Variants in TSPAN18 observed in about 807,000 individuals in gnomAD.
TSPAN18 encodes tetraspanin-18.
In TSPAN18, 14 loss-of-function variants were observed where a neutral mutation model predicts 27.3. The observed-to-expected ratio is 0.51, with a 90% CI of 0.34 to 0.80. TSPAN18 has a LOEUF of 0.80. Ranked by LOEUF, TSPAN18 falls within the 30% of genes least tolerant of loss-of-function variation. The probability of loss-of-function intolerance (pLI) is 0.01; values close to 1 mark genes in which losing one functional copy is unlikely to be tolerated. For synonymous variants in TSPAN18, 143 were observed against 136.5 expected, an observed-to-expected ratio of 1.05 and a Z score of -0.33; for missense variants, 268 against 323.9, an observed-to-expected ratio of 0.83 and a Z score of 1.32.
intron 2 of TSPAN18, among the ~76,000 whole-genome samples, chr11:44,771,840 G>A (rs1855696453): frequency 6.6e-6 from 1 of 152,194 alleles, no homozygotes; most frequent in Admixed American, 6.5e-5. Flanking sequence ...AATACATTTT[G>A]ATATCAAAGA....
intron 1 of TSPAN18, among the ~76,000 whole-genome samples, chr11:44,731,077 A>G (rs1254708063): frequency 2.0e-5 from 3 of 152,210 alleles, no homozygotes; most frequent in Non-Finnish European, 4.4e-5. Flanking sequence ...TAGTGAATTC[A>G]ACAACTTGGA....
At chr11:44,744,475 G>C (rs1855024283) in intron 1 of TSPAN18, among the ~76,000 whole-genome samples, 1 of 152,216 alleles carries the variant, frequency 6.6e-6, no homozygotes, top group Admixed American at 6.5e-5. Flanking sequence ...TGGGGAGAGA[G>C]AGCTCTGGCT....
At chr11:44,811,813 T>C (rs1399851642) in intron 2 of TSPAN18, among the ~76,000 whole-genome samples, 1 of 152,162 alleles carries the variant, frequency 6.6e-6, no homozygotes, top group Non-Finnish European at 1.5e-5. Context: ...AAGTCAGGGC[T>C]CTGCAAATAT....
chr11:44,924,722 G>C (rs1295790226), intron 8 of TSPAN18, among the ~76,000 whole-genome samples: 1 of 149,274 alleles, frequency 6.7e-6, no homozygotes, highest in Admixed American at 6.7e-5. Flanking sequence ...CTGCATTTTA[G>C]GGTTCTAATG....
intron 2 of TSPAN18, among the ~76,000 whole-genome samples, chr11:44,824,732 G>A (rs1176013267): frequency 6.6e-6 from 1 of 152,214 alleles, no homozygotes; most frequent in African/African-American, 2.4e-5. Flanking sequence ...CTGGCTCACA[G>A]GGCCAGTGCT....
At chr11:44,761,253 C>T (rs370398133) in intron 1 of TSPAN18, among the ~76,000 whole-genome samples, 11 of 152,140 alleles carry the variant, frequency 7.2e-5, no homozygotes, top group East Asian at 1.9e-4. Context: ...TGACCCCTGT[C>T]GCCTGCCCAC....
At chr11:44,807,315 G>T (rs1277529712) in intron 2 of TSPAN18, among the ~76,000 whole-genome samples, 2 of 150,054 alleles carry the variant, frequency 1.3e-5, no homozygotes, top group Admixed American at 1.3e-4. Flanking sequence ...GATCACTTGA[G>T]GTCAGGAGTT....
intron 8 of TSPAN18, among the ~76,000 whole-genome samples, chr11:44,926,004 T>C (rs1027945929): frequency 6.6e-6 from 1 of 152,210 alleles, no homozygotes; most frequent in East Asian, 1.9e-4. Flanking sequence ...TCTCAGTTTA[T>C]GTATCTCTAG....
chr11:44,843,027 G>A (rs541120211), intron 2 of TSPAN18, among the ~76,000 whole-genome samples: 225 of 152,032 alleles, frequency 1.5e-3, no homozygotes, highest in Non-Finnish European at 2.8e-3. Flanking sequence ...ATCATACAGT[G>A]TGCATTCCTC....
chr11:44,727,011 C>T lies in TSPAN18; in HGVS notation c.-516C>T, dbSNP rs1334412240. 3 of 147,046 alleles carry T rather than the reference C, an allele frequency of 2.0e-5. No homozygotes were observed. Among genetic ancestry groups the T allele is most frequent in the African/African-American group, 4.9e-5 (2 of 40,584 alleles). The allele number at this position is 147,046 out of a possible 1,614,324, so 9.1% of individuals were successfully genotyped here. A position where few individuals can be genotyped will look rare whatever the true frequency, so the allele number is the denominator to read the frequency against. The stretch of plus-strand genomic sequence containing the variant: ...CCAGGCTGCGGGGCGGACGTAGCGC[C>T]GAGCGATCCACCGCGGAGCCGCGCG... On this transcript the variant is annotated 5_prime_UTR_variant, in exon 1 of 10. Coordinates refer to ENST00000520358, the MANE Select transcript of TSPAN18 (RefSeq NM_130783.5).
At chr11:44,798,978 C>T (rs1856413073) in intron 2 of TSPAN18, among the ~76,000 whole-genome samples, 1 of 151,018 alleles carries the variant, frequency 6.6e-6, no homozygotes, top group Non-Finnish European at 1.5e-5. Context: ...GACTTATCCC[C>T]ACCCCCACCC....
intron 1 of TSPAN18, among the ~76,000 whole-genome samples, chr11:44,752,566 TTGTGTG>T (rs10539343): frequency 1.3e-5 from 2 of 151,612 alleles, no homozygotes; most frequent in Non-Finnish European, 2.9e-5. Flanking sequence ...CTTTGACAGT[TTGTGTG>T]TGTGTGTGTG....
intron 1 of TSPAN18, 84 bp downstream of exon 1, chr11:44,727,371 G>A (rs1371489063): frequency 6.6e-6 from 1 of 152,668 alleles, no homozygotes; most frequent in African/African-American, 2.4e-5. Flanking sequence ...CGCCGCCCCG[G>A]GGGTGCTGCT....
chr11:44,808,708 A>G (rs559303042), intron 2 of TSPAN18, among the ~76,000 whole-genome samples: 1 of 152,180 alleles, frequency 6.6e-6, no homozygotes, highest in Non-Finnish European at 1.5e-5. Context: ...GATATAATTT[A>G]ACGTTTCTTG....
At chr11:44,894,471 C>CT (rs1554999974) in intron 3 of TSPAN18, among the ~76,000 whole-genome samples, 2 of 151,894 alleles carry the variant, frequency 1.3e-5, no homozygotes, top group African/African-American at 2.4e-5. Flanking sequence ...TGCCTGGGGG[C>CT]GGGGGGGAGT....
At chr11:44,880,168 C>T (rs1465820778) in intron 3 of TSPAN18, among the ~76,000 whole-genome samples, 1 of 152,222 alleles carries the variant, frequency 6.6e-6, no homozygotes. Context: ...CATGACAGTG[C>T]CTGTGCCAGA....
At chr11:44,730,807 A>G (rs1028197715) in intron 1 of TSPAN18, among the ~76,000 whole-genome samples, 2 of 141,090 alleles carry the variant, frequency 1.4e-5, no homozygotes, top group African/African-American at 5.0e-5. Flanking sequence ...TTGAATTTTT[A>G]GTAGAGACGG....
At chr11:44,790,439 G>A (rs930063363) in intron 2 of TSPAN18, among the ~76,000 whole-genome samples, 2 of 149,896 alleles carry the variant, frequency 1.3e-5, no homozygotes, top group African/African-American at 2.5e-5. Context: ...GTGTGTACAT[G>A]TGTTCGTGTG....
intron 1 of TSPAN18, among the ~76,000 whole-genome samples, chr11:44,752,535 C>T (rs970722567): frequency 1.3e-5 from 2 of 151,758 alleles, no homozygotes; most frequent in African/African-American, 2.4e-5. Context: ...CTTTACAACT[C>T]AATTTGTTGA....
Sources: gnomAD v4.1 joint callset for allele counts (sites outside exome capture counted in the v4.1 genomes callset) on GRCh38, gnomAD v4.1.1 for gene constraint, MANE v1.5 for transcripts, NCBI Gene and HGNC (gene_info 2026-07-23, HGNC 2026-07-21) for gene names.